The following SKI variants were observed in gnomAD, a reference collection of about 807,000 sequenced individuals.
SKI encodes the protein ski oncogene.
Under a neutral mutation model 59.3 loss-of-function variants are expected in SKI, and 23 were observed. That is an observed-to-expected ratio of 0.39 (90% confidence interval 0.28 to 0.55). SKI has a LOEUF of 0.55. SKI is among the 20% of genes least tolerant of loss of function. SKI has a pLI of 0.67. For missense variants in SKI, 1,017 were observed against 1,038.9 expected (o/e 0.98, Z 0.29); for synonymous variants, 673 against 488.6 (o/e 1.38, Z -4.98).
At chr1:2,305,630 C>T (rs969248564) in intron 5 of SKI, among the ~76,000 whole-genome samples, 1 of 152,126 alleles carries the variant, frequency 6.6e-6, no homozygotes, top group Admixed American at 6.5e-5. Context: ...CATCTGGCTG[C>T]GTGGGGAGAC....
intron 1 of SKI, among the ~76,000 whole-genome samples, chr1:2,231,182 G>C (rs541210156): frequency 2.0e-5 from 3 of 152,216 alleles, no homozygotes; most frequent in African/African-American, 7.2e-5. Flanking sequence ...TTTTGGGGTG[G>C]CCGCACCCTC....
chr1:2,256,629 C>A (rs1002336080), intron 1 of SKI, among the ~76,000 whole-genome samples: 2 of 152,244 alleles, frequency 1.3e-5, no homozygotes, highest in Non-Finnish European at 2.9e-5. Context: ...TTGGGTGTTG[C>A]ATGGCTGACC....
At chr1:2,249,488 G>GGGT (rs1257233276) in intron 1 of SKI, among the ~76,000 whole-genome samples, 3 of 152,228 alleles carry the variant, frequency 2.0e-5, no homozygotes, top group African/African-American at 7.2e-5. Flanking sequence ...TGGTGGTCCC[G>GGGT]GGTGGCCGGC....
At chr1:2,294,720 C>T (rs140182288) in intron 1 of SKI, among the ~76,000 whole-genome samples, 3,066 of 152,360 alleles carry the variant, frequency 0.02, 50 homozygotes, top group Middle Eastern at 0.044. Context: ...GCCCTCCCCC[C>T]GCTAGCTGCT....
At chr1:2,233,074 C>A (rs926306714) in intron 1 of SKI, among the ~76,000 whole-genome samples, 1 of 152,218 alleles carries the variant, frequency 6.6e-6, no homozygotes, top group Non-Finnish European at 1.5e-5. Context: ...TGGCCTGCTG[C>A]CTGGGACGCG....
chr1:2,309,021 C>T lies in SKI; in HGVS notation c.*2256C>T, dbSNP rs1003615754. 3 of 152,244 alleles carry T rather than the reference C, an allele frequency of 2.0e-5. No homozygotes were observed. The highest frequency in any genetic ancestry group is 6.5e-5 in the Admixed American group (1 of 15,282). 9.4% of individuals were successfully genotyped at this position (152,244 alleles called of 1,614,324 possible). The stretch of plus-strand genomic sequence containing the variant: ...TGCCAGGCCCGTGCGGTCAGTGGGA[C>T]CCGGACGTGGGCAGGCGAGCTCGGG... On this transcript the variant is annotated 3_prime_UTR_variant, in exon 7 of 7. Transcript: ENST00000378536.
intron 1 of SKI, among the ~76,000 whole-genome samples, chr1:2,248,861 C>CT (rs768665168): frequency 9.2e-5 from 14 of 152,232 alleles, no homozygotes; most frequent in African/African-American, 1.9e-4. Flanking sequence ...CCTTCCTACT[C>CT]TGAGTGTGGG....
rs1639837473 is a variant in SKI at position 2,280,051 on chromosome 1, C to T, written c.970-22927C>T. 2.0e-5 allele frequency among the ~76,000 whole-genome samples: 3 copies of T among 152,284 alleles called. No individual in the cohort carries two copies. The South Asian group carries it at 6.2e-4, about 32-fold the overall frequency. On this transcript the variant is annotated intron_variant, in intron 1 of 6. Transcript: ENST00000378536. ...GGGTGCGCGAAAATTCTGAGTCTGC[C>T]TTCCACCTGAACCCCCTCTGGAAGG...
chr1:2,304,404 C>T lies in SKI; in HGVS notation c.1586C>T (p.Ala529Val), dbSNP rs766178799. ...CTGCCCTCGGCCGTCCCTGATGCTG[C>T]GGCCCCTGCCGACGCCCCCAGTGGG... The part of the protein sequence containing the change: ...RALPSAVPDA[A>V]APADAPSGLE... Residue 529 changes from alanine to valine, a missense_variant, in exon 5 of 7, where the codon GCG (alanine) becomes GTG (valine). By Grantham distance (64) the Ala-to-Val change is moderately conservative. Transcript: ENST00000378536. 8.4e-6 allele frequency: 13 copies of T among 1,552,464 alleles called. No individual in the cohort carries two copies. Among genetic ancestry groups the T allele is most frequent in the Admixed American group, 3.9e-5 (2 of 51,538 alleles).
chr1:2,257,387 C>A (rs154970), intron 1 of SKI, among the ~76,000 whole-genome samples: 1 of 152,252 alleles, frequency 6.6e-6, no homozygotes. Context: ...CTTATGCAGA[C>A]GTGCGGGCCA....
chr1:2,247,407 C>G (rs777862260), intron 1 of SKI, among the ~76,000 whole-genome samples: 46 of 152,194 alleles, frequency 3.0e-4, no homozygotes, highest in Admixed American at 5.2e-4. Flanking sequence ...TCCCTCCTTT[C>G]TTCTGGCTCT....
Position 2,238,050 on chromosome 1 carries a change from C to A in SKI, c.969+8315C>A, listed in dbSNP as rs559564655. Among the ~76,000 whole-genome samples, 4 of 152,332 alleles carry A rather than the reference C, an allele frequency of 2.6e-5. No homozygotes were observed. In the East Asian group the frequency reaches 7.7e-4, roughly 29 times the overall value. ...TGTGCCAGGCGCTGGGCTGTGGCAG[C>A]CCCAGGTCCCCGCCTGGTGTGGCTG... On this transcript the variant is annotated intron_variant, in intron 1 of 6. Transcript: ENST00000378536.
chr1:2,277,813 C>CA (rs1380052895), intron 1 of SKI, among the ~76,000 whole-genome samples: 2 of 145,438 alleles, frequency 1.4e-5, no homozygotes, highest in Non-Finnish European at 3.0e-5. Flanking sequence ...CACCTGCACT[C>CA]ACGCACACAC....
Position 2,288,862 on chromosome 1 carries a change from C to T in SKI, c.970-14116C>T, listed in dbSNP as rs759995186. On this transcript the variant is annotated intron_variant, in intron 1 of 6. Coordinates refer to ENST00000378536, the MANE Select transcript of SKI (RefSeq NM_003036.4). ...CTTTGATCCCCTCTTCCAAAAACTACCCCCTCCCCCCGCCACGTGTGTGAG... is the reference window on the plus strand; with the variant it reads ...CTTTGATCCCCTCTTCCAAAAACTATCCCCTCCCCCCGCCACGTGTGTGAG... Among the ~76,000 whole-genome samples, 71 of 152,316 alleles carry T rather than the reference C, an allele frequency of 4.7e-4. 1 individual carries two copies. The highest frequency in any genetic ancestry group is 7.8e-4 in the Admixed American group (12 of 15,298).
chr1:2,292,957 A>T (rs543743995), intron 1 of SKI, among the ~76,000 whole-genome samples: 1 of 152,184 alleles, frequency 6.6e-6, no homozygotes, highest in South Asian at 2.1e-4. Flanking sequence ...GGGCCCGTGG[A>T]CTTCCTCCAG....
intron 1 of SKI, among the ~76,000 whole-genome samples, chr1:2,262,019 C>T (rs533797830): frequency 8.0e-6 from 1 of 125,714 alleles, no homozygotes; most frequent in Non-Finnish European, 1.6e-5. Flanking sequence ...AGTGGACGCC[C>T]TCGCTCCTGA....
intron 1 of SKI, among the ~76,000 whole-genome samples, chr1:2,286,990 C>A (rs1295910032): frequency 6.6e-6 from 1 of 152,236 alleles, no homozygotes; most frequent in Non-Finnish European, 1.5e-5. Context: ...CAGGACATGG[C>A]TGCGTGCCCA....
At position 2,303,499 on chromosome 1, in the gene SKI, G is replaced by C; in HGVS notation, c.1211+99G>C. 1.8e-6 allele frequency: 2 copies of C among 1,099,046 alleles called. No homozygotes were observed. The highest frequency in any genetic ancestry group is 2.7e-6 in the Non-Finnish European group (2 of 741,242). The allele number at this position is 1,099,046 out of a possible 1,614,324, so 68.1% of individuals were successfully genotyped here. On this transcript the variant is annotated intron_variant, in intron 3 of 6. Coordinates refer to ENST00000378536, the MANE Select transcript of SKI (RefSeq NM_003036.4). The surrounding 1 kb of genome is among the most constrained non-coding windows in gnomAD (Gnocchi z 5.6). ...CATGTTTCTGCAGGCTGGGTGCCCA[G>C]ACCTGCCGCCTTTTGGTCAGGGCAG...
chr1:2,279,405 A>G (rs1639821465), intron 1 of SKI, among the ~76,000 whole-genome samples: 1 of 152,006 alleles, frequency 6.6e-6, no homozygotes, highest in Admixed American at 6.5e-5. Context: ...CTGCTCTCCA[A>G]GTCTTGTGTG....
Sources: gnomAD v4.1 joint callset for allele counts (sites outside exome capture counted in the v4.1 genomes callset) on GRCh38, gnomAD v4.1.1 for gene constraint, Gnocchi (gnomAD v3.1) non-coding constraint, MANE v1.5 for transcripts, NCBI Gene and HGNC (gene_info 2026-07-23, HGNC 2026-07-21) for gene names.